Variants in IGSF21 observed in about 807,000 individuals in gnomAD.
IGSF21 encodes the protein immunoglobin superfamily member 21.
A neutral mutation model predicts 46.8 loss-of-function variants in IGSF21; 28 were observed. The ratio of observed to expected loss-of-function variants is 0.60; its 90% CI spans 0.44 to 0.82. The LOEUF is 0.82. Among genes scored for constraint, IGSF21 ranks in the 40% least tolerant of loss-of-function variants. The pLI, the probability that IGSF21 is intolerant of heterozygous loss-of-function variation, is 0.00. For synonymous variants in IGSF21, 284 were observed against 273.6 expected (o/e 1.04, Z -0.38); for missense variants, 624 against 665.5 (o/e 0.94, Z 0.69).
chr1:18,130,164 A>AC (rs1249030833), intron 1 of IGSF21, among the ~76,000 whole-genome samples: 3 of 151,574 alleles, frequency 2.0e-5, no homozygotes, highest in Non-Finnish European at 4.4e-5. Flanking sequence ...ACTGGACACC[A>AC]CCCCCCAACC....
intron 4 of IGSF21, among the ~76,000 whole-genome samples, chr1:18,354,627 C>T (rs946754051): frequency 1.6e-4 from 24 of 152,062 alleles, no homozygotes; most frequent in African/African-American, 5.6e-4. Flanking sequence ...TCCCCTCCCC[C>T]ATCCCTCCCC....
Position 18,347,947 on chromosome 1 carries a change from T to C in IGSF21, c.424+12937T>C, listed in dbSNP as rs528973364. ...AGAGTCCCATCTCCCTCAAGGTAGC[T>C]ATACAAATTAGAAATTCATTTTGAT... On this transcript the variant is annotated intron_variant, in intron 4 of 9. Coordinates refer to ENST00000251296, the MANE Select transcript of IGSF21 (RefSeq NM_032880.5). Among the ~76,000 whole-genome samples the C allele has an allele frequency of 1.5e-3, 229 of 152,336 alleles. 1 individual carries two copies. The highest frequency in any genetic ancestry group is 5.1e-3 in the African/African-American group (211 of 41,578).
At chr1:18,373,272 C>G (rs1417531376) in intron 6 of IGSF21, among the ~76,000 whole-genome samples, 2 of 152,208 alleles carry the variant, frequency 1.3e-5, no homozygotes, top group Non-Finnish European at 2.9e-5. Context: ...TGCTCTTTCT[C>G]TACGTCCAGG....
chr1:18,376,302 C>G lies in IGSF21; in HGVS notation c.1016-8C>G. Reference sequence around the variant, plus strand: ...ACTCTCTCTGACCTGGCCTTTCTCTCCCTACAGTTGCCCCCAAAGGACCCA... The same window carrying G: ...ACTCTCTCTGACCTGGCCTTTCTCTGCCTACAGTTGCCCCCAAAGGACCCA... On this transcript the variant is annotated splice_region_variant and splice_polypyrimidine_tract_variant and intron_variant, in intron 6 of 9. Coordinates refer to ENST00000251296, the MANE Select transcript of IGSF21 (RefSeq NM_032880.5). The G allele has an allele frequency of 1.2e-6, 2 of 1,604,792 alleles. No homozygotes were observed. The highest frequency in any genetic ancestry group is 1.7e-6 in the Non-Finnish European group (2 of 1,171,590).
intron 1 of IGSF21, among the ~76,000 whole-genome samples, chr1:18,182,202 G>A (rs1255568984): frequency 8.3e-6 from 1 of 120,740 alleles, no homozygotes; most frequent in East Asian, 2.9e-4. Context: ...TTTTAGACAA[G>A]GTCTCACTCT....
intron 2 of IGSF21, among the ~76,000 whole-genome samples, chr1:18,285,531 A>G (rs1006953057): frequency 6.6e-6 from 1 of 152,198 alleles, no homozygotes; most frequent in Non-Finnish European, 1.5e-5. Flanking sequence ...CAGTTTCCTC[A>G]TGGAACATTT....
At chr1:18,277,289 G>A (rs11260969) in intron 2 of IGSF21, among the ~76,000 whole-genome samples, 34,405 of 152,164 alleles carry the variant, frequency 0.23, 4,076 homozygotes, top group African/African-American at 0.29. Flanking sequence ...GCCATAACGT[G>A]AATCCCGTGG....
chr1:18,212,679 G>A (rs186702953), intron 1 of IGSF21, among the ~76,000 whole-genome samples: 38 of 152,310 alleles, frequency 2.5e-4, no homozygotes, highest in African/African-American at 8.4e-4. Flanking sequence ...CAACCCAGGG[G>A]GGGTCCTGGC....
intron 3 of IGSF21, among the ~76,000 whole-genome samples, chr1:18,310,852 G>A (rs952719751): frequency 7.2e-5 from 11 of 152,056 alleles, no homozygotes; most frequent in African/African-American, 1.9e-4. Flanking sequence ...CTTGGCATTC[G>A]TTGGCTTGTA....
rs558034151 is a variant in IGSF21 at position 18,279,845 on chromosome 1, G to C, written c.184-12021G>C. Among the ~76,000 whole-genome samples, 5 of 152,358 alleles carry C rather than the reference G, an allele frequency of 3.3e-5. No homozygotes were observed. The East Asian group carries it at 9.7e-4, about 29-fold the overall frequency. ...CCGCCCCTCGTTTAGCAGGTGGGCA[G>C]GCTGGCGCAGGCCACTGATCTGCCA... On this transcript the variant is annotated intron_variant, in intron 2 of 9. Transcript: ENST00000251296.
intron 1 of IGSF21, among the ~76,000 whole-genome samples, chr1:18,133,548 T>G (rs1456694039): frequency 6.6e-6 from 1 of 152,234 alleles, no homozygotes; most frequent in Non-Finnish European, 1.5e-5. Flanking sequence ...GGACAGGTGC[T>G]CCATGCTGCC....
intron 3 of IGSF21, among the ~76,000 whole-genome samples, chr1:18,294,264 G>A (rs2085292632): frequency 6.6e-6 from 1 of 152,174 alleles, no homozygotes; most frequent in African/African-American, 2.4e-5. Flanking sequence ...GTGCATTCAA[G>A]TGAAGTGCTG....
chr1:18,292,436 A>G (rs539042781), intron 3 of IGSF21, among the ~76,000 whole-genome samples: 2 of 152,306 alleles, frequency 1.3e-5, no homozygotes, highest in East Asian at 3.9e-4. Flanking sequence ...CGAGCTTAAG[A>G]GAGAATGACC....
intron 1 of IGSF21, among the ~76,000 whole-genome samples, chr1:18,200,099 G>A (rs546003952): frequency 1.3e-5 from 2 of 152,310 alleles, no homozygotes; most frequent in East Asian, 3.9e-4. Context: ...GGGACAGTGG[G>A]AAGGCTTGCC....
intron 1 of IGSF21, among the ~76,000 whole-genome samples, chr1:18,162,021 T>G (rs577146401): frequency 6.6e-6 from 1 of 152,240 alleles, no homozygotes; most frequent in Admixed American, 6.5e-5. Context: ...TTTCCTGTTT[T>G]TCTTTCTTTC....
intron 1 of IGSF21, among the ~76,000 whole-genome samples, chr1:18,127,116 G>C (rs1302482920): frequency 3.9e-5 from 6 of 152,194 alleles, no homozygotes; most frequent in Non-Finnish European, 7.3e-5. Flanking sequence ...CTGGCTAGAT[G>C]GGTCATCTTG....
intron 2 of IGSF21, among the ~76,000 whole-genome samples, chr1:18,254,285 G>A (rs148029553): frequency 6.2e-5 from 9 of 145,308 alleles, no homozygotes; most frequent in Non-Finnish European, 1.2e-4. Context: ...TTGAAGTCCA[G>A]AGGCCCCCAT....
chr1:18,224,095 G>C (rs995672), intron 1 of IGSF21, among the ~76,000 whole-genome samples: 16,436 of 152,156 alleles, frequency 0.11, 997 homozygotes, highest in East Asian at 0.14. Flanking sequence ...ATTCAAAGAG[G>C]CACCCACTCA....
intron 1 of IGSF21, among the ~76,000 whole-genome samples, chr1:18,197,001 T>C (rs1036463990): frequency 1.3e-5 from 2 of 152,176 alleles, no homozygotes; most frequent in Non-Finnish European, 1.5e-5. Flanking sequence ...TTTTTTCTAA[T>C]CGGCCCGGCT....
Sources: allele counts gnomAD v4.1 joint callset (sites outside exome capture counted in the v4.1 genomes callset), GRCh38; gene constraint gnomAD v4.1.1; transcripts MANE v1.5; gene names NCBI Gene and HGNC (gene_info 2026-07-23, HGNC 2026-07-21).